Variants in RPL26L1 observed in about 807,000 individuals in gnomAD.
RPL26L1 encodes ribosomal protein L26 like 1, also known as ribosomal protein uL24-like.
Under a neutral mutation model 15.2 loss-of-function variants are expected in RPL26L1, and 8 were observed. That is an observed-to-expected ratio of 0.53 (90% CI 0.31 to 0.95). The LOEUF (loss-of-function observed/expected upper bound fraction) is 0.95. Among genes scored for constraint, RPL26L1 ranks in the 40% least tolerant of loss-of-function variants. The probability of loss-of-function intolerance (pLI) is 0.05; values close to 1 mark genes in which losing one functional copy is unlikely to be tolerated. For missense variants in RPL26L1, 146 were observed against 190.9 expected, an observed-to-expected ratio of 0.76 and a Z score of 1.39; for synonymous variants, 51 against 65.9, an observed-to-expected ratio of 0.77 and a Z score of 1.09.
chr5:172,967,212 C>G (rs1233535081), intron 2 of RPL26L1, among the ~76,000 whole-genome samples: 1 of 151,526 alleles, frequency 6.6e-6, no homozygotes, highest in Non-Finnish European at 1.5e-5. Context: ...CACCTGTAAT[C>G]CCAGCACTTT....
chr5:172,959,183 C>G (rs1755114036), upstream of RPL26L1: 1 of 165,092 alleles, frequency 6.1e-6, no homozygotes, highest in African/African-American at 2.4e-5. Context: ...GCTCGCGCCA[C>G]TGCACTCCAG....
intron 2 of RPL26L1, among the ~76,000 whole-genome samples, chr5:172,965,744 A>C (rs4867695): frequency 0.62 from 94,677 of 152,034 alleles, 34,987 homozygotes; most frequent in Non-Finnish European, 0.81. Flanking sequence ...ACATGTGTAC[A>C]TTCTGCCCTT....
At chr5:172,960,847 C>T (rs1243940419) in intron 2 of RPL26L1, among the ~76,000 whole-genome samples, 2 of 140,870 alleles carry the variant, frequency 1.4e-5, no homozygotes, top group Non-Finnish European at 3.0e-5. Flanking sequence ...ATGGAGATCA[C>T]GTTTTAGAGC....
chr5:172,966,862 GT>G (rs987687207), intron 2 of RPL26L1, among the ~76,000 whole-genome samples: 31 of 144,590 alleles, frequency 2.1e-4, no homozygotes, highest in East Asian at 2.0e-4. Flanking sequence ...GTACCTGGTG[GT>G]TTTTTTTTTT....
At chr5:172,967,262 C>T (rs768963184) in intron 2 of RPL26L1, among the ~76,000 whole-genome samples, 34 of 151,940 alleles carry the variant, frequency 2.2e-4, no homozygotes, top group Non-Finnish European at 4.7e-4. Flanking sequence ...GTCAGGAGTT[C>T]GAGACCAGCC....
At chr5:172,969,090 G>A (rs1393571664) in intron 3 of RPL26L1, among the ~76,000 whole-genome samples, 1 of 151,988 alleles carries the variant, frequency 6.6e-6, no homozygotes, top group South Asian at 2.1e-4. Flanking sequence ...ACAGGTGTGA[G>A]CCATCATGGC....
upstream of RPL26L1, among the ~76,000 whole-genome samples, chr5:172,956,587 T>C (rs1260031404): frequency 6.6e-6 from 1 of 152,146 alleles, no homozygotes; most frequent in Non-Finnish European, 1.5e-5. Flanking sequence ...AATAAATAAA[T>C]TCCAACATTT....
chr5:172,955,212 T>A (rs1472156194), upstream of RPL26L1: 1 of 333,506 alleles, frequency 3.0e-6, no homozygotes, highest in Admixed American at 4.3e-5. Context: ...CACTGCAACA[T>A]CTACCTCCCA....
At chr5:172,962,984 C>T (rs931517951) in intron 2 of RPL26L1, among the ~76,000 whole-genome samples, 1 of 151,936 alleles carries the variant, frequency 6.6e-6, no homozygotes, top group African/African-American at 2.4e-5. Context: ...GATTAAAGGA[C>T]CTGGGAAGGC....
upstream of RPL26L1, chr5:172,955,935 AG>A (rs1754962794): frequency 6.6e-6 from 1 of 152,228 alleles, no homozygotes; most frequent in African/African-American, 2.4e-5. Flanking sequence ...CTCAGTCCCA[AG>A]GTCATCTTTG....
chr5:172,955,725 T>C (rs1251079101), upstream of RPL26L1: 4 of 152,242 alleles, frequency 2.6e-5, no homozygotes, highest in African/African-American at 4.8e-5. Flanking sequence ...GATTTGGCAT[T>C]CTCTGCATGC....
upstream of RPL26L1, chr5:172,956,028 C>T (rs893039971): frequency 1.3e-5 from 2 of 152,128 alleles, no homozygotes; most frequent in South Asian, 4.1e-4. Context: ...TTTAAAACAA[C>T]CTGCAGAGAA....
intron 3 of RPL26L1, among the ~76,000 whole-genome samples, chr5:172,969,102 G>A (rs1330169283): frequency 6.6e-6 from 1 of 151,800 alleles, no homozygotes; most frequent in Non-Finnish European, 1.5e-5. Flanking sequence ...CATCATGGCC[G>A]GCCGATGGCT....
chr5:172,961,915 A>G (rs188645524), intron 2 of RPL26L1, among the ~76,000 whole-genome samples: 2 of 152,346 alleles, frequency 1.3e-5, no homozygotes, highest in East Asian at 3.9e-4. Flanking sequence ...AAGCTTCTTA[A>G]GAGTACTCTT....
chr5:172,955,814 A>G (rs1334287475), upstream of RPL26L1: 1 of 152,254 alleles, frequency 6.6e-6, no homozygotes. Flanking sequence ...GAGGAAACAG[A>G]GAGACCTCGT....
At chr5:172,962,510 AAAC>A (rs538336065) in intron 2 of RPL26L1, among the ~76,000 whole-genome samples, 6 of 149,302 alleles carry the variant, frequency 4.0e-5, no homozygotes, top group South Asian at 2.1e-4. Context: ...TCTGTCTCAA[AAAC>A]AACAACAACA....
Position 172,969,484 on chromosome 5 carries a change from A to G in RPL26L1, c.381A>G (p.Gln127=), listed in dbSNP as rs1755604980. 1 of 1,613,824 alleles carries G rather than the reference A, an allele frequency of 6.2e-7. No individual in the cohort carries two copies. Among genetic ancestry groups the G allele is most frequent in the African/African-American group, 1.3e-5 (1 of 75,050 alleles). ...TTGAACGCAAAGCCAAGTCTCGACAAGTTGGAAAAGAGAAAGGCAAATATA... is the reference window on the plus strand; with the variant it reads ...TTGAACGCAAAGCCAAGTCTCGACAGGTTGGAAAAGAGAAAGGCAAATATA... ...KILERKAKSR[Q]VGKEKGKYKE... Residue 127 remains glutamine, a synonymous_variant, in exon 4 of 4, where the codon CAA becomes CAG. Coordinates refer to ENST00000265100, the MANE Select transcript of RPL26L1 (RefSeq NM_016093.4).
chr5:172,958,450 T>A, upstream of RPL26L1: 1 of 456,214 alleles, frequency 2.2e-6, no homozygotes, highest in South Asian at 1.5e-5. Flanking sequence ...TAAGTTGTCG[T>A]TCAACATATA....
At chr5:172,955,369 T>C (rs1032844766), upstream of RPL26L1, 2 of 190,850 alleles carry the variant, frequency 1.0e-5, no homozygotes, top group African/African-American at 2.4e-5. Flanking sequence ...CCTCAGGTGA[T>C]CCACCTGCCT....
Sources: gnomAD v4.1 joint callset for allele counts (sites outside exome capture counted in the v4.1 genomes callset) on GRCh38, gnomAD v4.1.1 for gene constraint, MANE v1.5 for transcripts, NCBI Gene and HGNC (gene_info 2026-07-23, HGNC 2026-07-21) for gene names.